TIMM44: variants seen among roughly 807,000 people sequenced by gnomAD.
TIMM44 encodes the protein mitochondrial import inner membrane translocase subunit TIM44.
A neutral mutation model predicts 63.8 loss-of-function variants in TIMM44; 37 were observed. The observed-to-expected ratio is 0.58, with a 90% CI of 0.45 to 0.76. The LOEUF is 0.76. Ranked by LOEUF, TIMM44 falls within the 30% of genes least tolerant of loss-of-function variation. The pLI is 0.00. For synonymous variants in TIMM44, 239 were observed against 245.1 expected (o/e 0.98, Z 0.23); for missense variants, 573 against 603.8 (o/e 0.95, Z 0.54).
chr19:7,930,637 C>T (rs765639574), intron 10 of TIMM44, among the ~76,000 whole-genome samples: 19 of 152,118 alleles, frequency 1.2e-4, no homozygotes, highest in Admixed American at 2.6e-4. Context: ...TTTGTAGAGA[C>T]GGGATCTTGC....
Position 7,934,109 on chromosome 19 carries a change from C to G in TIMM44, c.523G>C (p.Ala175Pro). 6.2e-7 allele frequency: 1 copy of G among 1,613,300 alleles called. No homozygotes were observed. The highest frequency in any genetic ancestry group is 8.5e-7 in the Non-Finnish European group (1 of 1,179,978). The change falls in exon 5 of 13, where the codon GCC becomes CCC. Residue 175 changes from alanine (A) to proline (P), a missense_variant. By Grantham distance (27) the Ala-to-Pro change is conservative. Coordinates refer to ENST00000270538, the MANE Select transcript of TIMM44 (RefSeq NM_006351.4). The surrounding 1 kb of genome is among the most constrained non-coding windows in gnomAD (Gnocchi z 5.3). ...CTCACCTGGGAGAGGGCTCTGAAGG[C>G]CGCTGTCCTGCCCAGCTTCTCCCCG... ...KGGEKLGRTA[A>P]FRALSQGVES... is the part of the protein sequence containing the mutation.
rs889478485 is a variant in TIMM44 at position 7,938,034 on chromosome 19, C to A, written c.305G>T (p.Arg102Met). ...EESDVLQEAR[R>M]KYKTIESETV... ...AGCAGCAAAGAAACTCACGTATTTC[C>A]TTCTGGCCTCCTGGAGCACGTCTGA... Residue 102 changes from arginine (R) to methionine (M), a missense_variant, in exon 3 of 13, where the codon AGG becomes ATG. Transcript: ENST00000270538. 6.2e-7 allele frequency: 1 copy of A among 1,614,042 alleles called. No individual in the cohort carries two copies. The highest frequency in any genetic ancestry group is 8.5e-7 in the Non-Finnish European group (1 of 1,179,972).
At chr19:7,928,910 CA>C (rs1323674870) in intron 10 of TIMM44, 7 of 17,710 alleles carry the variant, frequency 4.0e-4, no homozygotes, top group Admixed American at 3.1e-3. Flanking sequence ...AAGGTAAAAA[CA>C]AAACAAAAAA....
At chr19:7,931,098 G>T in intron 10 of TIMM44, 40 bp downstream of exon 10, 2 of 1,570,018 alleles carry the variant, frequency 1.3e-6, no homozygotes, top group East Asian at 2.3e-5. Context: ...GATTTTTTAG[G>T]CCTTAAAAAA....
chr19:7,943,644 G>C lies in TIMM44; in HGVS notation c.8C>G (p.Ala3Gly). The change falls in exon 1 of 13, where the codon GCG becomes GGG. Residue 3 changes from alanine (A) to glycine (G), a missense_variant. Coordinates refer to ENST00000270538, the MANE Select transcript of TIMM44 (RefSeq NM_006351.4). The surrounding 1 kb of genome is among the most constrained non-coding windows in gnomAD (Gnocchi z 4.3). ...GCACCAGCCACTCCGCAGGGCCGCCGCCGCCATGTTGGAGAATCGTGTGAC... is the reference window on the plus strand; with the variant it reads ...GCACCAGCCACTCCGCAGGGCCGCCCCCGCCATGTTGGAGAATCGTGTGAC... MA[A>G]AALRSGWCRC... The C allele has an allele frequency of 6.4e-7, 1 of 1,566,584 alleles. No individual in the cohort carries two copies. The highest frequency in any genetic ancestry group is 8.6e-7 in the Non-Finnish European group (1 of 1,163,112).
At position 7,932,769 on chromosome 19, in the gene TIMM44, G is replaced by A. The variant is rs775011989; in HGVS notation, c.863-18C>T. On this transcript the variant is annotated intron_variant, in intron 8 of 12. Coordinates refer to ENST00000270538, the MANE Select transcript of TIMM44 (RefSeq NM_006351.4). The stretch of plus-strand genomic sequence containing the variant: ...CAGGCCCCCTGCAGGGAGCAGAGCC[G>A]GGAGTTCGGGGGGAAGGCCGGGGAC... The A allele has an allele frequency of 8.4e-5, 135 of 1,613,938 alleles. No individual in the cohort carries two copies. The highest frequency in any genetic ancestry group is 2.3e-4 in the Admixed American group (14 of 60,000).
rs1383893154 is a variant in TIMM44 at position 7,938,096 on chromosome 19, T to A, written c.243A>T (p.Ile81=). The change falls in exon 3 of 13, where the codon ATA becomes ATT. Residue 81 remains isoleucine (I), a synonymous_variant. Coordinates refer to ENST00000270538, the MANE Select transcript of TIMM44 (RefSeq NM_006351.4). ...TTCTGGCCTCGTCACGGAATTTTTTTATACTTTCTTTCATTTCTTTGTTTT... is the reference window on the plus strand; with the variant it reads ...TTCTGGCCTCGTCACGGAATTTTTTAATACTTTCTTTCATTTCTTTGTTTT... ...LAKNKEMKES[I]KKFRDEARRL... 4 of 1,614,174 alleles carry A rather than the reference T, an allele frequency of 2.5e-6. No homozygotes were observed. The highest frequency in any genetic ancestry group is 2.5e-6 in the Non-Finnish European group (3 of 1,180,036).
intron 9 of TIMM44, 123 bp downstream of exon 9, chr19:7,932,504 C>G (rs1984014573): frequency 7.1e-7 from 1 of 1,405,332 alleles, no homozygotes; most frequent in Non-Finnish European, 9.8e-7. Flanking sequence ...TGCAACCAGC[C>G]TCCTCAGAAA....
intron 1 of TIMM44, among the ~76,000 whole-genome samples, chr19:7,941,906 AACTGGATTTTTCAG>A (rs2145182820): frequency 6.6e-6 from 1 of 152,236 alleles, no homozygotes; most frequent in East Asian, 1.9e-4. Flanking sequence ...AAGATGAGAG[AACTGGATTTTTCAG>A]ACACAAACAT....
At position 7,933,651 on chromosome 19, in the gene TIMM44, G is replaced by T; in HGVS notation, c.684-81C>A. ...CTCCTGCGGCTGCAGGCAGGGGGCA[G>T]TACAGGACAGCAGGCAGCTGAGACC... On this transcript the variant is annotated intron_variant, in intron 6 of 12. Transcript: ENST00000270538. The surrounding 1 kb of genome is among the most constrained non-coding windows in gnomAD (Gnocchi z 4.3). 1 of 1,372,864 alleles carries T rather than the reference G, an allele frequency of 7.3e-7. No homozygotes were observed. The highest frequency in any genetic ancestry group is 1.0e-6 in the Non-Finnish European group (1 of 962,318). The allele number at this position is 1,372,864 out of a possible 1,614,324, so 85.0% of individuals were successfully genotyped here.
rs898117500 is a variant in TIMM44 at position 7,934,646 on chromosome 19, C to T, written c.394-408G>A. On this transcript the variant is annotated intron_variant, in intron 4 of 12. Coordinates refer to ENST00000270538, the MANE Select transcript of TIMM44 (RefSeq NM_006351.4). The surrounding 1 kb of genome is among the most constrained non-coding windows in gnomAD (Gnocchi z 5.3). ...GCAAGGATTCCCAAGGAGGGGACCC[C>T]GGGGAAAGAACGGCGGTGAGGGCGC... Among the ~76,000 whole-genome samples, 3 of 152,112 alleles carry T rather than the reference C, an allele frequency of 2.0e-5. No homozygotes were observed. Among genetic ancestry groups the T allele is most frequent in the Non-Finnish European group, 4.4e-5 (3 of 67,998 alleles).
chr19:7,935,402 T>A lies in TIMM44; in HGVS notation c.313-257A>T. On this transcript the variant is annotated intron_variant, in intron 3 of 12. Transcript: ENST00000270538. ...CTGGTCTCAAACTTCTGACCTCAAG[T>A]GATCCACCCGCCTCGGCCTCCCAAA... is the stretch of plus-strand genomic sequence containing the variant. 6.1e-6 allele frequency: 3 copies of A among 491,182 alleles called. No homozygotes were observed. The South Asian group carries it at 6.3e-5, about 10-fold the overall frequency. 30.4% of individuals were successfully genotyped at this position (491,182 alleles called of 1,614,324 possible). A position where few individuals can be genotyped will look rare whatever the true frequency, so the allele number is the denominator to read the frequency against.
At chr19:7,928,204 C>A in intron 10 of TIMM44, 38 bp from the exon 11 acceptor site, 2 of 1,571,136 alleles carry the variant, frequency 1.3e-6, no homozygotes, top group South Asian at 1.1e-5. Context: ...TGATGCCACC[C>A]AGGGTGGGCA....
Position 7,931,220 on chromosome 19 carries a change from G to A in TIMM44, c.988-32C>T, listed in dbSNP as rs375210336. The A allele has an allele frequency of 6.2e-5, 100 of 1,603,452 alleles. No homozygotes were observed. The Middle Eastern group carries it at 9.9e-4, about 16-fold the overall frequency. The stretch of plus-strand genomic sequence containing the variant: ...AGGAAGGGAAAATAAGCACCAGAAC[G>A]AGAGTGGGCTTTTCAGGCAGCAGGC... On this transcript the variant is annotated intron_variant, in intron 9 of 12. Coordinates refer to ENST00000270538, the MANE Select transcript of TIMM44 (RefSeq NM_006351.4).
At chr19:7,930,041 G>A (rs910473614) in intron 10 of TIMM44, among the ~76,000 whole-genome samples, 3 of 151,808 alleles carry the variant, frequency 2.0e-5, no homozygotes, top group African/African-American at 7.3e-5. Flanking sequence ...TAGAGACAGG[G>A]TTTCACCATG....
In TIMM44 at chr19:7,935,146, C is replaced by G. The variant is rs780756382; in HGVS notation, c.313-1G>C. On this transcript the variant is annotated splice_acceptor_variant, in intron 3 of 12. Coordinates refer to ENST00000270538, the MANE Select transcript of TIMM44 (RefSeq NM_006351.4). LOFTEE classifies it high-confidence loss of function. ...GCACGGTTTCTGACTCGATGGTTTT[C>G]TAGGTAAAGAGCGCTGTGTCCTTTT... 6.5e-7 allele frequency: 1 copy of G among 1,543,036 alleles called. No homozygotes were observed. The highest frequency in any genetic ancestry group is 1.1e-5 in the South Asian group (1 of 89,708).
In TIMM44 at chr19:7,928,157, G is replaced by A. The variant is rs746638693; in HGVS notation, c.1048C>T (p.Gln350Ter). ...KDWCYEATYS[Q>*]LAHPIQQAKA... is the part of the protein sequence containing the mutation. ...GCCTGCTGGATGGGGTGGGCCAGCTGGCTGTAAGTCTGCAATGAGAGGCCG... is the reference window on the plus strand; with the variant it reads ...GCCTGCTGGATGGGGTGGGCCAGCTAGCTGTAAGTCTGCAATGAGAGGCCG... Residue 350 changes from glutamine to a stop codon, truncating the protein, a stop_gained, in exon 11 of 13, where the codon CAG (glutamine) becomes TAG (stop). Coordinates refer to ENST00000270538, the MANE Select transcript of TIMM44 (RefSeq NM_006351.4). LOFTEE classifies it high-confidence loss of function. 3 of 1,613,716 alleles carry A rather than the reference G, an allele frequency of 1.9e-6. No homozygotes were observed. Among genetic ancestry groups the A allele is most frequent in the Non-Finnish European group, 2.5e-6 (3 of 1,179,840 alleles).
chr19:7,935,102 C>A lies in TIMM44; in HGVS notation c.356G>T (p.Arg119Leu), dbSNP rs138147355. The change falls in exon 4 of 13, where the codon CGG (arginine) becomes CTG (leucine). Residue 119 changes from arginine to leucine, a missense_variant. Transcript: ENST00000270538. The stretch of plus-strand genomic sequence containing the variant: ...GCCCGTCAGCTCCCCAAGCTTCTTC[C>A]GTAGCACCTCGCTCGTCCGCACGGT... ...SETVRTSEVL[R>L]KKLGELTGTV... 2.5e-6 allele frequency: 4 copies of A among 1,613,728 alleles called. No homozygotes were observed. The highest frequency in any genetic ancestry group is 2.5e-6 in the Non-Finnish European group (3 of 1,179,918).
chr19:7,937,878 C>A, intron 3 of TIMM44, 149 bp downstream of exon 3: 3 of 897,000 alleles, frequency 3.3e-6, no homozygotes, highest in Non-Finnish European at 5.4e-6. Context: ...ATTAGCTGGG[C>A]GTGGTGGTGC....
Sources: gnomAD v4.1 joint callset for allele counts (sites outside exome capture counted in the v4.1 genomes callset) on GRCh38, gnomAD v4.1.1 for gene constraint, Gnocchi (gnomAD v3.1) non-coding constraint, MANE v1.5 for transcripts, NCBI Gene and HGNC (gene_info 2026-07-23, HGNC 2026-07-21) for gene names.